Variants in CLEC16A observed in about 807,000 individuals in gnomAD.
The protein encoded by CLEC16A is C-type lectin domain containing 16A.
Under a neutral mutation model 109.5 loss-of-function variants are expected in CLEC16A, and 51 were observed. The ratio of observed to expected loss-of-function variants is 0.47; its 90% CI spans 0.37 to 0.59. CLEC16A has a LOEUF of 0.59. Among genes scored for constraint, CLEC16A ranks in the 20% least tolerant of loss-of-function variants. CLEC16A has a pLI of 0.00. For synonymous variants in CLEC16A, 673 were observed against 564.2 expected (o/e 1.19, Z -2.73); for missense variants, 1,339 against 1,394.0 (o/e 0.96, Z 0.63).
chr16:11,117,590 C>T (rs77792008), intron 19 of CLEC16A, among the ~76,000 whole-genome samples: 1 of 152,116 alleles, frequency 6.6e-6, no homozygotes, highest in East Asian at 1.9e-4. Flanking sequence ...ATACTTTTCT[C>T]ATTTTAAAAT....
At chr16:11,080,758 A>G (rs1226837418) in intron 19 of CLEC16A, among the ~76,000 whole-genome samples, 1 of 152,174 alleles carries the variant, frequency 6.6e-6, no homozygotes, top group African/African-American at 2.4e-5. Flanking sequence ...CAGTGGCAGG[A>G]TGAGTCCTTC....
At chr16:10,965,347 A>G (rs2146199198) in intron 3 of CLEC16A, among the ~76,000 whole-genome samples, 1 of 152,376 alleles carries the variant, frequency 6.6e-6, no homozygotes, top group South Asian at 2.1e-4. Flanking sequence ...ATCACAGAAG[A>G]AAAAATGTCC....
chr16:11,127,722 G>A (rs2052925730), intron 22 of CLEC16A, among the ~76,000 whole-genome samples: 1 of 152,028 alleles, frequency 6.6e-6, no homozygotes, highest in Admixed American at 6.6e-5. Context: ...TAAAAAATTA[G>A]CCAGGCATGG....
At chr16:11,087,970 G>C (rs2050101530) in intron 19 of CLEC16A, among the ~76,000 whole-genome samples, 1 of 152,268 alleles carries the variant, frequency 6.6e-6, no homozygotes, top group Non-Finnish European at 1.5e-5. Context: ...CTTGGGACAA[G>C]TCTGAGAGCC....
At chr16:10,969,538 G>C (rs577624492) in intron 4 of CLEC16A, among the ~76,000 whole-genome samples, 1 of 152,246 alleles carries the variant, frequency 6.6e-6, no homozygotes, top group South Asian at 2.1e-4. Flanking sequence ...TGTAGAGACA[G>C]GGTCTTACTA....
At chr16:11,117,186 G>A (rs1429245416) in intron 19 of CLEC16A, among the ~76,000 whole-genome samples, 1 of 152,070 alleles carries the variant, frequency 6.6e-6, no homozygotes, top group Non-Finnish European at 1.5e-5. Flanking sequence ...AAGGCAGGGG[G>A]GTGACAGGGG....
At chr16:11,094,296 C>T (rs2152971056) in intron 19 of CLEC16A, among the ~76,000 whole-genome samples, 1 of 152,304 alleles carries the variant, frequency 6.6e-6, no homozygotes, top group Admixed American at 6.5e-5. Context: ...GTTCCAGAGG[C>T]TTGACTCAGA....
chr16:11,008,892 G>A (rs542906356), intron 11 of CLEC16A, among the ~76,000 whole-genome samples: 4 of 151,412 alleles, frequency 2.6e-5, no homozygotes, highest in East Asian at 1.9e-4. Flanking sequence ...CCAGCTACTC[G>A]GGAGGCTGAG....
chr16:10,984,376 G>A (rs1309483758), intron 10 of CLEC16A, among the ~76,000 whole-genome samples: 1 of 152,212 alleles, frequency 6.6e-6, no homozygotes, highest in Non-Finnish European at 1.5e-5. Flanking sequence ...CCCCTGTCTG[G>A]CCTATCCCTT....
intron 10 of CLEC16A, among the ~76,000 whole-genome samples, chr16:10,994,083 A>G (rs757693087): frequency 6.6e-6 from 1 of 152,170 alleles, no homozygotes; most frequent in Non-Finnish European, 1.5e-5. Flanking sequence ...GTCTGTTCCA[A>G]TTCCTGAGAG....
chr16:11,080,155 G>T (rs567023410), intron 19 of CLEC16A, among the ~76,000 whole-genome samples: 1 of 152,138 alleles, frequency 6.6e-6, no homozygotes, highest in African/African-American at 2.4e-5. Context: ...ACTCCCGTGC[G>T]CGTCCATCCA....
At chr16:11,100,956 CTG>C (rs758209455) in intron 19 of CLEC16A, among the ~76,000 whole-genome samples, 5 of 152,144 alleles carry the variant, frequency 3.3e-5, no homozygotes, top group African/African-American at 4.8e-5. Context: ...TCTGTTGAGA[CTG>C]TGGCTGCGTG....
intron 19 of CLEC16A, among the ~76,000 whole-genome samples, chr16:11,063,752 G>C (rs758617836): frequency 2.0e-5 from 3 of 152,168 alleles, no homozygotes; most frequent in Non-Finnish European, 4.4e-5. Context: ...CTCATGGGGA[G>C]CATTAAAGAT....
At chr16:11,105,854 A>G (rs759139739) in intron 19 of CLEC16A, among the ~76,000 whole-genome samples, 27 of 152,194 alleles carry the variant, frequency 1.8e-4, no homozygotes, top group Non-Finnish European at 2.8e-4. Context: ...ATCCACCTCT[A>G]TCTGTAAAGT....
intron 12 of CLEC16A, among the ~76,000 whole-genome samples, chr16:11,022,922 T>C (rs2046200111): frequency 6.7e-6 from 1 of 148,586 alleles, no homozygotes; most frequent in Non-Finnish European, 1.5e-5. Flanking sequence ...TATATATATA[T>C]ATGTATATAT....
intron 1 of CLEC16A, among the ~76,000 whole-genome samples, chr16:10,955,091 G>A (rs570622326): frequency 7.9e-5 from 12 of 152,106 alleles, no homozygotes; most frequent in Admixed American, 4.6e-4. Context: ...GAGGTGAAGC[G>A]CCTTGTCCAA....
At chr16:11,127,339 G>A (rs1009048874) in intron 22 of CLEC16A, among the ~76,000 whole-genome samples, 2 of 152,124 alleles carry the variant, frequency 1.3e-5, no homozygotes, top group Admixed American at 1.3e-4. Context: ...CTTTTTTGCT[G>A]TTTCGTATTT....
At position 11,018,338 on chromosome 16, in the gene CLEC16A, G is replaced by A. The variant is rs191457874; in HGVS notation, c.1304-1855G>A. Among the ~76,000 whole-genome samples the A allele has an allele frequency of 1.1e-3, 172 of 151,596 alleles. 4 individuals carry two copies. The highest frequency in any genetic ancestry group is 0.011 in the Admixed American group (167 of 15,212). The stretch of plus-strand genomic sequence containing the variant: ...AGAGGGCGTCCAGGAAGATGTCTCC[G>A]TGGAGGCGACATGTGAACTGAGCCT... On this transcript the variant is annotated intron_variant, in intron 11 of 23. Transcript: ENST00000409790.
intron 3 of CLEC16A, 57 bp downstream of exon 3, chr16:10,962,645 T>C: frequency 1.3e-6 from 2 of 1,590,940 alleles, no homozygotes; most frequent in Non-Finnish European, 1.7e-6. Flanking sequence ...CAGGGTGAAG[T>C]TGGGCGTGGT....
Sources: allele counts gnomAD v4.1 joint callset (sites outside exome capture counted in the v4.1 genomes callset), GRCh38; gene constraint gnomAD v4.1.1; transcripts MANE v1.5; gene names NCBI Gene and HGNC (gene_info 2026-07-23, HGNC 2026-07-21).